The following LRRC63 variants were observed in gnomAD, a reference collection of about 807,000 sequenced individuals.
LRRC63 encodes the protein leucine-rich repeat-containing protein 63.
In LRRC63, 40 loss-of-function variants were observed where a neutral mutation model predicts 49.5. The observed-to-expected ratio is 0.81, with a 90% confidence interval of 0.63 to 1.05. The LOEUF (loss-of-function observed/expected upper bound fraction) is 1.05, where lower values mean the gene tolerates loss of function less well. Ranked by LOEUF, LRRC63 falls within the 50% of genes least tolerant of loss-of-function variation. LRRC63 has a pLI of 0.00. For missense variants in LRRC63, 636 were observed against 663.1 expected, an observed-to-expected ratio of 0.96 and a Z score of 0.45; for synonymous variants, 191 against 221.1, an observed-to-expected ratio of 0.86 and a Z score of 1.21.
intron 9 of LRRC63, among the ~76,000 whole-genome samples, chr13:46,274,955 T>A (rs57097044): frequency 0.032 from 4,894 of 152,026 alleles, 268 homozygotes; most frequent in African/African-American, 0.11. Flanking sequence ...CTACCTGTGA[T>A]TTTTTTTCCA....
intron 7 of LRRC63, among the ~76,000 whole-genome samples, chr13:46,252,176 A>G (rs17067893): frequency 0.015 from 2,317 of 152,070 alleles, 75 homozygotes; most frequent in African/African-American, 0.052. Context: ...AGTTTGTTCA[A>G]TGAAAACTCA....
rs572275202 is a variant in LRRC63 at position 46,250,759 on chromosome 13, A to G, written c.1226+268A>G. Among the ~76,000 whole-genome samples, 3 of 152,090 alleles carry G rather than the reference A, an allele frequency of 2.0e-5. No individual in the cohort carries two copies. In the South Asian group the frequency reaches 6.2e-4, roughly 31 times the overall value. ...TAACAGGAATTATCTAAAGCAGTTC[A>G]GGTGAGAGCCTTGCACCTATCTCTT... On this transcript the variant is annotated intron_variant, in intron 7 of 9. Coordinates refer to ENST00000595396, the Ensembl canonical transcript of LRRC63.
intron 2 of LRRC63, among the ~76,000 whole-genome samples, chr13:46,223,491 T>G (rs1231696606): frequency 4.0e-5 from 6 of 151,722 alleles, no homozygotes; most frequent in East Asian, 3.9e-4. Context: ...TTTGTTTTTT[T>G]TTTTTTTTAA....
intron 2 of LRRC63, among the ~76,000 whole-genome samples, chr13:46,223,956 C>T (rs913423313): frequency 2.6e-5 from 4 of 152,184 alleles, no homozygotes; most frequent in Non-Finnish European, 5.9e-5. Flanking sequence ...TGACCAGATG[C>T]TTTTCTCTTG....
At chr13:46,220,900 C>T (rs754565) in intron 2 of LRRC63, among the ~76,000 whole-genome samples, 58,244 of 151,730 alleles carry the variant, frequency 0.38, 11,826 homozygotes, top group East Asian at 0.55. Context: ...GGTGAGGTGA[C>T]GCCGCACCCT....
chr13:46,218,370 T>C (rs1174521148), intron 2 of LRRC63, among the ~76,000 whole-genome samples: 3 of 152,246 alleles, frequency 2.0e-5, no homozygotes, highest in Admixed American at 6.5e-5. Flanking sequence ...TTGTCTCTTT[T>C]GACCTTTGTT....
Position 46,216,782 on chromosome 13 carries a change from A to G in LRRC63, c.85+3663A>G, listed in dbSNP as rs553978971. On this transcript the variant is annotated intron_variant, in intron 2 of 9. Transcript: ENST00000595396. ...TATTATTTTGAGATATGTTCCATCAATACCTGTTTATTGAGAGTTTTTAGC... is the reference window on the plus strand; with the variant it reads ...TATTATTTTGAGATATGTTCCATCAGTACCTGTTTATTGAGAGTTTTTAGC... Among the ~76,000 whole-genome samples, 6 of 152,276 alleles carry G rather than the reference A, an allele frequency of 3.9e-5. No homozygotes were observed. In the South Asian group the frequency reaches 1.0e-3, roughly 26 times the overall value.
At chr13:46,241,711 T>A (rs1423451765) in intron 5 of LRRC63, among the ~76,000 whole-genome samples, 2 of 151,912 alleles carry the variant, frequency 1.3e-5, no homozygotes, top group Non-Finnish European at 2.9e-5. Flanking sequence ...TCAACAAGCA[T>A]GAAAAAAGCT....
At chr13:46,215,536 T>A (rs1007120824) in intron 2 of LRRC63, among the ~76,000 whole-genome samples, 2 of 152,200 alleles carry the variant, frequency 1.3e-5, no homozygotes, top group East Asian at 3.8e-4. Context: ...GATGGGTAGA[T>A]TGCAGAAGTT....
At position 46,224,103 on chromosome 13, in the gene LRRC63, T is replaced by C. The variant is rs142758926; in HGVS notation, c.86-3409T>C. Among the ~76,000 whole-genome samples the C allele has an allele frequency of 1.2e-3, 183 of 152,358 alleles. 1 individual carries two copies. Among genetic ancestry groups the C allele is most frequent in the African/African-American group, 4.2e-3 (176 of 41,594 alleles). On this transcript the variant is annotated intron_variant, in intron 2 of 9. Coordinates refer to ENST00000595396, the Ensembl canonical transcript of LRRC63. Reference sequence around the variant, plus strand: ...TCTGAATGTGAATGTCTAAAATTCTTGCTAGACTTGGGAAGTTTTCTTCTA... The same window carrying C: ...TCTGAATGTGAATGTCTAAAATTCTCGCTAGACTTGGGAAGTTTTCTTCTA...
At chr13:46,213,979 CAT>C (rs1310645853) in intron 2 of LRRC63, among the ~76,000 whole-genome samples, 1 of 152,148 alleles carries the variant, frequency 6.6e-6, no homozygotes, top group African/African-American at 2.4e-5. Context: ...ATCAATCAAT[CAT>C]ATAAGTAAAT....
At chr13:46,250,333 G>T (rs990852863) in intron 6 of LRRC63, 22 bp from the exon 7 acceptor site, 25 of 1,460,860 alleles carry the variant, frequency 1.7e-5, no homozygotes, top group Non-Finnish European at 2.2e-5. Context: ...GCTCATGTTT[G>T]TTTCTCTTTT....
At chr13:46,254,622 G>C (rs1439032170) in intron 7 of LRRC63, among the ~76,000 whole-genome samples, 1 of 152,160 alleles carries the variant, frequency 6.6e-6, no homozygotes, top group African/African-American at 2.4e-5. Context: ...AATAACTTCA[G>C]ATAATCTTTG....
intron 7 of LRRC63, among the ~76,000 whole-genome samples, chr13:46,253,435 A>G (rs1025422008): frequency 1.3e-5 from 2 of 152,070 alleles, no homozygotes; most frequent in Non-Finnish European, 2.9e-5. Flanking sequence ...ATATATGAAT[A>G]TATAAATATA....
chr13:46,256,470 G>T (rs1310850956), intron 7 of LRRC63, among the ~76,000 whole-genome samples: 1 of 152,166 alleles, frequency 6.6e-6, no homozygotes, highest in Non-Finnish European at 1.5e-5. Flanking sequence ...GCAGAGCTGG[G>T]AGCTGCTGCT....
chr13:46,270,817 G>GGGAT (rs2047747924), intron 9 of LRRC63, among the ~76,000 whole-genome samples: 2 of 152,162 alleles, frequency 1.3e-5, no homozygotes, highest in African/African-American at 4.8e-5. Flanking sequence ...TCTTCAGCCT[G>GGGAT]CCAGATCTGG....
intron 7 of LRRC63, among the ~76,000 whole-genome samples, chr13:46,259,562 G>A (rs938398737): frequency 5.9e-5 from 9 of 152,088 alleles, no homozygotes; most frequent in Admixed American, 1.3e-4. Context: ...AAAAAGAACC[G>A]AACAGCCTAT....
chr13:46,260,583 A>G (rs1031351202), intron 7 of LRRC63, among the ~76,000 whole-genome samples: 2 of 152,174 alleles, frequency 1.3e-5, no homozygotes, highest in African/African-American at 2.4e-5. Flanking sequence ...GATGGGTACT[A>G]TGAGAGAGTA....
chr13:46,262,787 A>C (rs1457596969), intron 8 of LRRC63, among the ~76,000 whole-genome samples: 1 of 151,984 alleles, frequency 6.6e-6, no homozygotes. Flanking sequence ...TCTTATTTCC[A>C]CTTGTTTCTA....
Sources: allele counts gnomAD v4.1 joint callset (sites outside exome capture counted in the v4.1 genomes callset), GRCh38; gene constraint gnomAD v4.1.1; transcripts MANE v1.5; gene names NCBI Gene and HGNC (gene_info 2026-07-23, HGNC 2026-07-21).